Variants in KDM5D observed in about 807,000 individuals in gnomAD.
KDM5D encodes the protein lysine demethylase 5D.
KDM5D carries 25 observed loss-of-function variants against 31.9 expected under a neutral mutation model. The observed-to-expected ratio is 0.78, with a 90% CI of 0.57 to 1.09. The LOEUF (loss-of-function observed/expected upper bound fraction) is 1.09, where lower values mean the gene tolerates loss of function less well. KDM5D is among the 50% of genes least tolerant of loss of function. The pLI, the probability that KDM5D is intolerant of heterozygous loss-of-function variation, is 0.00. For missense variants in KDM5D, 366 were observed against 341.6 expected (o/e 1.07, Z -0.56); for synonymous variants, 146 against 122.3 (o/e 1.19, Z -1.28).
intron 6 of KDM5D, among the ~76,000 whole-genome samples, chrY:19,739,096 T>C (rs979965360): frequency 1.5e-4 from 5 of 33,134 alleles, no homozygotes; most frequent in Non-Finnish European, 3.0e-4. Flanking sequence ...TGGAAGACCA[T>C]AGAATAGAAC....
At chrY:19,738,246 C>A in intron 6 of KDM5D, among the ~76,000 whole-genome samples, 1 of 33,725 alleles carries the variant, frequency 3.0e-5, no homozygotes, top group African/African-American at 1.2e-4. Flanking sequence ...CAACTTGAAA[C>A]AAATTTTACT....
chrY:19,728,076 G>A (rs2045445810), intron 11 of KDM5D, among the ~76,000 whole-genome samples: 1 of 32,980 alleles, frequency 3.0e-5, no homozygotes, highest in East Asian at 8.1e-4. Flanking sequence ...GAATTCTCAA[G>A]TTTGAGAATT....
chrY:19,725,029 A>G, intron 11 of KDM5D, among the ~76,000 whole-genome samples: 3 of 33,405 alleles, frequency 9.0e-5, no homozygotes, highest in African/African-American at 2.3e-4. Context: ...CTCAAGGAGG[A>G]CTACAAAGCA....
At chrY:19,727,714 A>G (rs2045444032) in intron 11 of KDM5D, among the ~76,000 whole-genome samples, 1 of 33,538 alleles carries the variant, frequency 3.0e-5, no homozygotes, top group Admixed American at 2.7e-4. Context: ...TGTTGAAGAT[A>G]AAATCAGTTT....
intron 18 of KDM5D, among the ~76,000 whole-genome samples, chrY:19,714,724 C>T (rs1027418886): frequency 3.0e-5 from 1 of 33,488 alleles, no homozygotes; most frequent in Non-Finnish European, 7.4e-5. Flanking sequence ...GTAGACGGTG[C>T]GTATGCAGCA....
At chrY:19,736,640 A>G (rs2045513886) in intron 6 of KDM5D, among the ~76,000 whole-genome samples, 1 of 32,918 alleles carries the variant, frequency 3.0e-5, no homozygotes. Context: ...CTAAGTAACT[A>G]ACTGTATTAA....
rs2045251454 is a variant in KDM5D, at chrY:19,707,355, G to A, written c.3791C>T (p.Ala1264Val). 1 of 394,846 alleles carries A rather than the reference G, an allele frequency of 2.5e-6. No individual in the cohort carries two copies. The highest frequency in any genetic ancestry group is 6.3e-5 in the African/African-American group (1 of 15,971). ...GGCCCTCTCTGTGAGACACTGAAGGGCCTCACCCTCAGGCAGCCGCACGGG... is the reference window on the plus strand; with the variant it reads ...GGCCCTCTCTGTGAGACACTGAAGGACCTCACCCTCAGGCAGCCGCACGGG... ...RLPVRLPEGE[A>V]LQCLTERAIG... Residue 1264 changes from alanine (A) to valine (V), a missense_variant, in exon 24 of 27, where the codon GCC becomes GTC. Ala to Val is a moderately conservative substitution (Grantham distance 64). Transcript: ENST00000317961.
chrY:19,727,868 T>G, intron 11 of KDM5D, among the ~76,000 whole-genome samples: 1 of 32,708 alleles, frequency 3.1e-5, no homozygotes, highest in African/African-American at 1.2e-4. Flanking sequence ...GATTAGGTAT[T>G]TTAAAAACTG....
intron 8 of KDM5D, among the ~76,000 whole-genome samples, chrY:19,734,840 CTTTT>C (rs774991835): frequency 6.9e-5 from 2 of 29,028 alleles, no homozygotes; most frequent in African/African-American, 2.7e-4. Flanking sequence ...GAATTTTTGT[CTTTT>C]TTTTTTTCTT....
chrY:19,721,070 T>C (rs1203651149), intron 12 of KDM5D, 36 bp from the exon 13 acceptor site: 4 of 396,272 alleles, frequency 1.0e-5, no homozygotes, highest in Non-Finnish European at 1.1e-5. Context: ...CAAGTCTATA[T>C]ACATCGTTGC....
chrY:19,732,026 C>T lies in KDM5D; in HGVS notation c.1212+20G>A. 2 of 397,816 alleles carry T rather than the reference C, an allele frequency of 5.0e-6. No homozygotes were observed. The highest frequency in any genetic ancestry group is 6.2e-5 in the African/African-American group (1 of 16,234). ...ACTACCACAACAGAATCCCTATAGT[C>T]CAGCCCTCAGATCACATACATGTAC... On this transcript the variant is annotated intron_variant, in intron 10 of 26. Coordinates refer to ENST00000317961, the MANE Select transcript of KDM5D (RefSeq NM_004653.5).
chrY:19,740,146 G>A, intron 5 of KDM5D, among the ~76,000 whole-genome samples: 1 of 33,232 alleles, frequency 3.0e-5, no homozygotes, highest in Non-Finnish European at 7.4e-5. Flanking sequence ...GTGACAGAGT[G>A]AGACTGTCTC....
chrY:19,708,019 C>T lies in KDM5D; in HGVS notation c.3314G>A (p.Trp1105Ter). ...AGSDSTKRSR[W>*]MEKALGLYQC... ...GTACAACCCCAGCGCCTTCTCCATC[C>T]ACCGGCTACGCTTGGTGCTGTCTGA... The change falls in exon 23 of 27, where the codon TGG becomes TAG. Residue 1105 changes from tryptophan (W) to a stop codon, truncating the protein, a stop_gained. Transcript: ENST00000317961. LOFTEE classifies it high-confidence loss of function. The T allele has an allele frequency of 5.1e-6, 2 of 392,919 alleles. No homozygotes were observed. Among genetic ancestry groups the T allele is most frequent in the Non-Finnish European group, 7.1e-6 (2 of 281,212 alleles).
chrY:19,718,342 G>A, intron 13 of KDM5D, among the ~76,000 whole-genome samples: 1 of 34,420 alleles, frequency 2.9e-5, no homozygotes, highest in Non-Finnish European at 7.3e-5. Flanking sequence ...TGGATAAGTA[G>A]AATGTGATCT....
chrY:19,729,775 T>C (rs2045459399), intron 11 of KDM5D, among the ~76,000 whole-genome samples: 2 of 33,642 alleles, frequency 5.9e-5, no homozygotes. Flanking sequence ...TGGAAAGTGT[T>C]TGACCTTAGT....
chrY:19,734,623 G>A, intron 8 of KDM5D, among the ~76,000 whole-genome samples: 2 of 33,482 alleles, frequency 6.0e-5, no homozygotes, highest in African/African-American at 2.3e-4. Context: ...ATGCAAAACA[G>A]TGAGACAAGT....
intron 18 of KDM5D, among the ~76,000 whole-genome samples, chrY:19,711,229 TTGGGTATCA>T (rs1374478800): frequency 4.8e-4 from 16 of 33,288 alleles, no homozygotes; most frequent in Non-Finnish European, 8.9e-4. Flanking sequence ...GGCATGTTAT[TTGGGTATCA>T]TGGGTTCAAT....
At chrY:19,744,043 C>T in intron 2 of KDM5D, among the ~76,000 whole-genome samples, 1 of 34,040 alleles carries the variant, frequency 2.9e-5, no homozygotes, top group African/African-American at 1.1e-4. Context: ...ATATAACTTG[C>T]TTCTGTCATA....
At chrY:19,723,745 G>A in intron 11 of KDM5D, among the ~76,000 whole-genome samples, 39 of 33,663 alleles carry the variant, frequency 1.2e-3, no homozygotes, top group Admixed American at 0.01. Context: ...CAGTCTTCTC[G>A]ACAGTGGCCT....
Sources: gnomAD v4.1 joint callset for allele counts (sites outside exome capture counted in the v4.1 genomes callset) on GRCh38, gnomAD v4.1.1 for gene constraint, MANE v1.5 for transcripts, NCBI Gene and HGNC (gene_info 2026-07-23, HGNC 2026-07-21) for gene names.